Variants in UTRN observed in about 807,000 individuals in gnomAD.
UTRN encodes dystrophin-related protein 1.
In UTRN, 283 loss-of-function variants were observed where a neutral mutation model predicts 463.9. The observed-to-expected ratio is 0.61, with a 90% CI of 0.55 to 0.67. The LOEUF (loss-of-function observed/expected upper bound fraction) is 0.67. Among genes scored for constraint, UTRN ranks in the 30% least tolerant of loss-of-function variants. The probability of loss-of-function intolerance (pLI) is 0.00; values close to 1 mark genes in which losing one functional copy is unlikely to be tolerated. For synonymous variants in UTRN, 1,442 were observed against 1,431.5 expected, an observed-to-expected ratio of 1.01 and a Z score of -0.17; for missense variants, 3,922 against 4,084.3, an observed-to-expected ratio of 0.96 and a Z score of 1.08.
intron 53 of UTRN, among the ~76,000 whole-genome samples, chr6:144,719,352 G>C (rs1194922646): frequency 1.3e-5 from 2 of 152,148 alleles, no homozygotes; most frequent in African/African-American, 2.4e-5. Flanking sequence ...GCCGAGGAAG[G>C]CGGATCACCT....
chr6:144,387,529 A>G (rs1302423648), intron 2 of UTRN, among the ~76,000 whole-genome samples: 1 of 152,154 alleles, frequency 6.6e-6, no homozygotes, highest in Non-Finnish European at 1.5e-5. Flanking sequence ...TCCCTCTTCC[A>G]CGGTGTTTCT....
chr6:144,822,150 G>A (rs1328909931), intron 66 of UTRN, among the ~76,000 whole-genome samples: 1 of 152,084 alleles, frequency 6.6e-6, no homozygotes, highest in Non-Finnish European at 1.5e-5. Flanking sequence ...GATAGTCAAT[G>A]TCTCAAACAT....
chr6:144,453,962 C>T (rs1251807839), intron 19 of UTRN, 93 bp downstream of exon 19: 60 of 1,022,736 alleles, frequency 5.9e-5, no homozygotes, highest in Non-Finnish European at 7.9e-5. Flanking sequence ...CTTTAATACT[C>T]GAATCCTCTT....
rs752590986 is a variant in UTRN, at chr6:144,286,013, T to C, written c.-93+192T>C. Among the ~76,000 whole-genome samples the C allele has an allele frequency of 5.3e-5, 8 of 152,184 alleles. No individual in the cohort carries two copies. The highest frequency in any genetic ancestry group is 1.0e-4 in the Non-Finnish European group (7 of 68,028). On this transcript the variant is annotated intron_variant, in intron 1 of 74. Transcript: ENST00000367545. The surrounding 1 kb of genome is among the most constrained non-coding windows in gnomAD (Gnocchi z 4.4). ...GCGTGCCCTTTCCTCGGGGCCTCAG[T>C]TTAGCTCCCCGCGGTGCGAGAGAGA...
rs1157201364 is a variant in UTRN at position 144,724,370 on chromosome 6, A to G, written c.7810-5987A>G. ...CAGCCTCCCAAGTAGCTGGGACTAC[A>G]GGCACCCGCCACCACGCCTGGCTAA... On this transcript the variant is annotated intron_variant, in intron 53 of 74. Coordinates refer to ENST00000367545, the MANE Select transcript of UTRN (RefSeq NM_007124.3). Among the ~76,000 whole-genome samples, 3 of 151,622 alleles carry G rather than the reference A, an allele frequency of 2.0e-5. No homozygotes were observed. The East Asian group carries it at 5.9e-4, about 30-fold the overall frequency.
intron 53 of UTRN, among the ~76,000 whole-genome samples, chr6:144,724,386 G>T (rs572172895): frequency 2.6e-5 from 4 of 151,554 alleles, no homozygotes; most frequent in African/African-American, 9.7e-5. Flanking sequence ...CCGCCACCAC[G>T]CCTGGCTAAT....
At chr6:144,506,146 A>T (rs1024188218) in intron 34 of UTRN, among the ~76,000 whole-genome samples, 49 of 148,154 alleles carry the variant, frequency 3.3e-4, no homozygotes, top group African/African-American at 1.2e-3. Flanking sequence ...TTTTGAGTCT[A>T]TGTGTGTCTT....
chr6:144,492,533 C>T (rs1423042591), intron 32 of UTRN, among the ~76,000 whole-genome samples: 3 of 152,138 alleles, frequency 2.0e-5, no homozygotes, highest in Non-Finnish European at 4.4e-5. Flanking sequence ...TACTTATATA[C>T]CCAGTAATAG....
intron 60 of UTRN, among the ~76,000 whole-genome samples, chr6:144,778,513 T>G (rs187658218): frequency 2.0e-5 from 3 of 150,906 alleles, no homozygotes; most frequent in African/African-American, 4.9e-5. Flanking sequence ...GTAAGAGGAG[T>G]GAGTGAGGGC....
chr6:144,792,088 A>T (rs2128743377), intron 62 of UTRN, among the ~76,000 whole-genome samples: 1 of 152,350 alleles, frequency 6.6e-6, no homozygotes, highest in East Asian at 1.9e-4. Flanking sequence ...AAGTGAAAAA[A>T]TTATAATAAA....
chr6:144,539,244 T>C, intron 44 of UTRN, 50 bp from the exon 45 acceptor site: 1 of 1,499,776 alleles, frequency 6.7e-7, no homozygotes, highest in South Asian at 1.4e-5. Flanking sequence ...TTCTTGAATT[T>C]TCCCTTATCT....
intron 41 of UTRN, among the ~76,000 whole-genome samples, chr6:144,527,335 T>C (rs1796656311): frequency 6.6e-6 from 1 of 152,230 alleles, no homozygotes; most frequent in East Asian, 1.9e-4. Flanking sequence ...CAATCTCTTC[T>C]AGCTTATAAG....
chr6:144,776,565 A>G (rs1487662126), intron 60 of UTRN, among the ~76,000 whole-genome samples: 1 of 152,092 alleles, frequency 6.6e-6, no homozygotes, highest in Non-Finnish European at 1.5e-5. Flanking sequence ...TTGCACATGG[A>G]CCCAATGCCC....
intron 61 of UTRN, among the ~76,000 whole-genome samples, chr6:144,788,668 G>A (rs1776499360): frequency 6.6e-6 from 1 of 151,398 alleles, no homozygotes; most frequent in Non-Finnish European, 1.5e-5. Flanking sequence ...AAGTTCAAGT[G>A]ATTCTCCTGC....
chr6:144,470,843 G>A (rs1014990544), intron 23 of UTRN, among the ~76,000 whole-genome samples: 11 of 151,874 alleles, frequency 7.2e-5, no homozygotes, highest in Non-Finnish European at 1.0e-4. Context: ...CGGCCAACAC[G>A]GCGAAACCCC....
intron 63 of UTRN, 125 bp downstream of exon 63, chr6:144,794,116 AGTGGTG>A: frequency 7.5e-7 from 1 of 1,328,956 alleles, no homozygotes; most frequent in Non-Finnish European, 1.0e-6. Flanking sequence ...CCATCCAACA[AGTGGTG>A]TATTTTATTT....
In UTRN at chr6:144,474,221, C is replaced by A. The variant is rs182293398; in HGVS notation, c.3181-383C>A. 3.9e-3 allele frequency among the ~76,000 whole-genome samples: 584 copies of A among 150,446 alleles called. 3 individuals are homozygous for A. The highest frequency in any genetic ancestry group is 0.014 in the African/African-American group (568 of 41,018). ...TTTCTTAAATCCTCACCATGTGGCA[C>A]AAGAAAAGCAATATACAATGACTCC... On this transcript the variant is annotated intron_variant, in intron 24 of 74. Transcript: ENST00000367545.
At chr6:144,518,458 A>G (rs1795819864) in intron 39 of UTRN, among the ~76,000 whole-genome samples, 1 of 152,254 alleles carries the variant, frequency 6.6e-6, no homozygotes, top group Non-Finnish European at 1.5e-5. Flanking sequence ...TCCTAAACAC[A>G]TCATGTGCCT....
chr6:144,324,434 C>T (rs1276325090), intron 2 of UTRN, among the ~76,000 whole-genome samples: 1 of 152,162 alleles, frequency 6.6e-6, no homozygotes, highest in Non-Finnish European at 1.5e-5. Flanking sequence ...GAAATCACTG[C>T]ATATTTCAAA....
Sources: allele counts gnomAD v4.1 joint callset (sites outside exome capture counted in the v4.1 genomes callset), GRCh38; gene constraint gnomAD v4.1.1; non-coding constraint Gnocchi (gnomAD v3.1); transcripts MANE v1.5; gene names NCBI Gene and HGNC (gene_info 2026-07-23, HGNC 2026-07-21).